The following SPATA13 variants were observed in gnomAD, a reference collection of about 807,000 sequenced individuals.
SPATA13 encodes the protein spermatogenesis-associated protein 13.
Under a neutral mutation model 104.0 loss-of-function variants are expected in SPATA13, and 50 were observed. That is an observed-to-expected ratio of 0.48 (90% confidence interval 0.38 to 0.61). The LOEUF (loss-of-function observed/expected upper bound fraction) is 0.61, where lower values mean the gene tolerates loss of function less well. Ranked by LOEUF, SPATA13 falls within the 20% of genes least tolerant of loss-of-function variation. The probability of loss-of-function intolerance (pLI) is 0.00; values close to 1 mark genes in which losing one functional copy is unlikely to be tolerated. For synonymous variants in SPATA13, 606 were observed against 667.5 expected (o/e 0.91, Z 1.42); for missense variants, 1,524 against 1,690.6 (o/e 0.90, Z 1.73).
intron 4 of SPATA13, among the ~76,000 whole-genome samples, chr13:24,257,072 C>T (rs1226486722): frequency 6.6e-6 from 1 of 152,200 alleles, no homozygotes; most frequent in Non-Finnish European, 1.5e-5. Context: ...ACATTGGGTT[C>T]CAACCATACT....
intron 3 of SPATA13, among the ~76,000 whole-genome samples, chr13:24,061,752 A>C (rs1282875554): frequency 6.6e-6 from 1 of 152,150 alleles, no homozygotes; most frequent in Non-Finnish European, 1.5e-5. Flanking sequence ...AATCACAGAA[A>C]AAAATCATGG....
At chr13:24,159,973 T>C (rs2760377), upstream of SPATA13, among the ~76,000 whole-genome samples, 142,024 of 152,278 alleles carry the variant, frequency 0.93, 66,803 homozygotes, top group East Asian at 0.99. Flanking sequence ...TTGCTTCTCT[T>C]CTGTGGTTTT....
chr13:24,082,017 G>A (rs561507712), intron 3 of SPATA13, among the ~76,000 whole-genome samples: 17 of 152,268 alleles, frequency 1.1e-4, no homozygotes, highest in African/African-American at 4.1e-4. Flanking sequence ...GTCTCGAATG[G>A]CTGCACCATT....
chr13:24,251,913 C>CT (rs1487098425), intron 4 of SPATA13, 51 bp downstream of exon 4: 1 of 1,566,380 alleles, frequency 6.4e-7, no homozygotes, highest in Non-Finnish European at 8.7e-7. Context: ...CCCATCTGAC[C>CT]GTTTCCAGCT....
chr13:24,296,755 G>A (rs899802015), intron 10 of SPATA13, among the ~76,000 whole-genome samples: 1 of 151,994 alleles, frequency 6.6e-6, no homozygotes, highest in African/African-American at 2.4e-5. Flanking sequence ...TTCAGGCTAG[G>A]AAGACCCCTC....
At chr13:24,266,864 T>C (rs1283114850) in intron 4 of SPATA13, among the ~76,000 whole-genome samples, 1 of 151,770 alleles carries the variant, frequency 6.6e-6, no homozygotes, top group Non-Finnish European at 1.5e-5. Flanking sequence ...CAATCTCAGC[T>C]CTCCGCAGCC....
At chr13:24,143,453 T>C (rs989513) in intron 3 of SPATA13, among the ~76,000 whole-genome samples, 115,499 of 152,202 alleles carry the variant, frequency 0.76, 45,223 homozygotes, top group Non-Finnish European at 0.86. Flanking sequence ...CTGCTGGCAG[T>C]GCTCTCATTC....
At chr13:24,287,250 T>C (rs1367854459) in intron 7 of SPATA13, among the ~76,000 whole-genome samples, 1 of 152,064 alleles carries the variant, frequency 6.6e-6, no homozygotes, top group Non-Finnish European at 1.5e-5. Flanking sequence ...AGCCTCAAAC[T>C]CCTGGGCTTT....
At chr13:24,228,108 CT>C (rs71186818) in intron 2 of SPATA13, among the ~76,000 whole-genome samples, 3,950 of 102,118 alleles carry the variant, frequency 0.039, 64 homozygotes, top group African/African-American at 0.13. Context: ...CTCTTGTACT[CT>C]TTTTTTTTTT....
At chr13:24,109,404 T>C (rs765578063) in intron 3 of SPATA13, among the ~76,000 whole-genome samples, 1 of 152,202 alleles carries the variant, frequency 6.6e-6, no homozygotes, top group Non-Finnish European at 1.5e-5. Flanking sequence ...TGGTGAATAG[T>C]GCTGCAATAA....
intron 2 of SPATA13, among the ~76,000 whole-genome samples, chr13:23,992,497 G>A (rs1875461443): frequency 1.3e-5 from 2 of 152,148 alleles, no homozygotes; most frequent in South Asian, 4.2e-4. Context: ...TCTGCTCCAC[G>A]AAGTCTTCAG....
intron 4 of SPATA13, among the ~76,000 whole-genome samples, chr13:24,269,785 T>A (rs9669933): frequency 7.2e-6 from 1 of 138,872 alleles, no homozygotes; most frequent in Non-Finnish European, 1.5e-5. Flanking sequence ...GACAGGACCT[T>A]GCTATGTTGC....
At chr13:24,204,813 A>G (rs890179183) in intron 1 of SPATA13, among the ~76,000 whole-genome samples, 5 of 152,212 alleles carry the variant, frequency 3.3e-5, no homozygotes, top group Admixed American at 1.3e-4. Flanking sequence ...ATATTCTATT[A>G]TATGTATATA....
chr13:24,143,272 C>A (rs1881819491), intron 3 of SPATA13, among the ~76,000 whole-genome samples: 1 of 152,206 alleles, frequency 6.6e-6, no homozygotes, highest in Admixed American at 6.5e-5. Flanking sequence ...TTTAAGGCAA[C>A]TGCAAGTGCC....
Position 24,088,702 on chromosome 13 carries a change from C to T in SPATA13, c.-112+71001C>T, listed in dbSNP as rs555302314. On this transcript the variant is annotated intron_variant, in intron 3 of 14. Coordinates refer to the SPATA13 transcript ENST00000424834. The surrounding 1 kb of genome is among the most constrained non-coding windows in gnomAD (Gnocchi z 4.3). ...GGTGTATAGTAGAAACTCAGTGGCA[C>T]TCGGGCCCTGCTTCTCACTGAGAGC... Among the ~76,000 whole-genome samples, 1 of 152,308 alleles carries T rather than the reference C, an allele frequency of 6.6e-6. No homozygotes were observed. Among genetic ancestry groups the T allele is most frequent in the South Asian group, 2.1e-4 (1 of 4,828 alleles).
intron 3 of SPATA13, among the ~76,000 whole-genome samples, chr13:24,021,831 C>T (rs1192295940): frequency 6.6e-6 from 1 of 151,950 alleles, no homozygotes; most frequent in Non-Finnish European, 1.5e-5. Flanking sequence ...CCTGCCTCAG[C>T]CTCCCGAGTA....
intron 1 of SPATA13, among the ~76,000 whole-genome samples, chr13:24,213,803 T>C (rs906738061): frequency 6.6e-6 from 1 of 152,206 alleles, no homozygotes; most frequent in African/African-American, 2.4e-5. Flanking sequence ...GAGAATCTTA[T>C]AGGAAAAAAT....
rs147372249 is a variant in SPATA13, at chr13:24,134,460, C to A, written c.-111-88359C>A. 2.9e-3 allele frequency among the ~76,000 whole-genome samples: 445 copies of A among 152,178 alleles called. 4 individuals carry two copies. Among genetic ancestry groups the A allele is most frequent in the African/African-American group, 0.01 (416 of 41,518 alleles). On this transcript the variant is annotated intron_variant, in intron 3 of 14. Transcript: ENST00000424834. ...GGGGGTGCGCCTGCTACATAGAGGT[C>A]GTATGGATGCCGAGAGCAGCACATC...
chr13:24,028,569 T>C (rs935485930), intron 3 of SPATA13, among the ~76,000 whole-genome samples: 1 of 152,238 alleles, frequency 6.6e-6, no homozygotes, highest in Admixed American at 6.5e-5. Flanking sequence ...TTCAGTTTTT[T>C]AGTGATGTGT....
Sources: allele counts gnomAD v4.1 joint callset (sites outside exome capture counted in the v4.1 genomes callset), GRCh38; gene constraint gnomAD v4.1.1; non-coding constraint Gnocchi (gnomAD v3.1); transcripts MANE v1.5; gene names NCBI Gene and HGNC (gene_info 2026-07-23, HGNC 2026-07-21).